Variants in NRXN1 observed in about 807,000 individuals in gnomAD.
The protein encoded by NRXN1 is neurexin 1, also known as neurexin-1.
Under a neutral mutation model 150.9 loss-of-function variants are expected in NRXN1, and 39 were observed. That is an observed-to-expected ratio of 0.26 (90% CI 0.20 to 0.34). The LOEUF (loss-of-function observed/expected upper bound fraction) is 0.34, where lower values mean the gene tolerates loss of function less well. NRXN1 is among the 10% of genes least tolerant of loss of function. NRXN1 has a pLI of 1.00. For synonymous variants in NRXN1, 924 were observed against 757.0 expected (o/e 1.22, Z -3.62); for missense variants, 1,815 against 1,949.9 (o/e 0.93, Z 1.30).
intron 18 of NRXN1, among the ~76,000 whole-genome samples, chr2:50,153,547 C>T (rs1283550143): frequency 6.6e-6 from 1 of 151,588 alleles, no homozygotes; most frequent in Non-Finnish European, 1.5e-5. Flanking sequence ...TGTCTTTGAG[C>T]CAGGGATCAG....
chr2:50,437,737 C>G (rs145039331), intron 17 of NRXN1, among the ~76,000 whole-genome samples: 25 of 151,378 alleles, frequency 1.7e-4, no homozygotes, highest in Middle Eastern at 3.4e-3. Flanking sequence ...TGTGAAAAGA[C>G]AAAAAGGGAA....
intron 5 of NRXN1, among the ~76,000 whole-genome samples, chr2:50,913,938 A>G: frequency 6.6e-6 from 1 of 151,816 alleles, no homozygotes; most frequent in East Asian, 1.9e-4. Flanking sequence ...CACATGTAAC[A>G]GTCCCACATA....
chr2:50,761,297 A>T (rs1701774158), intron 5 of NRXN1, among the ~76,000 whole-genome samples: 1 of 151,842 alleles, frequency 6.6e-6, no homozygotes, highest in Non-Finnish European at 1.5e-5. Context: ...TACCTCCCAT[A>T]ATCCTCATGA....
At chr2:50,093,618 C>A (rs529178642) in intron 18 of NRXN1, among the ~76,000 whole-genome samples, 2 of 151,964 alleles carry the variant, frequency 1.3e-5, no homozygotes, top group African/African-American at 2.4e-5. Flanking sequence ...TGGTTGACAG[C>A]GTAAGACCCT....
In NRXN1 at chr2:50,472,375, A is replaced by G; in HGVS notation, c.3167T>C (p.Val1056Ala). The change falls in exon 16 of 23, where the codon GTT becomes GCT. Residue 1056 changes from valine (V) to alanine (A), a missense_variant. Transcript: ENST00000401669. ...GTCCGGAAGCCGTCCATTTAAATCA[A>G]CTGATGCCAGGCAGCCTTGAAAGCC... Reference protein sequence around the residue: ...KEGFQGCLASVDLNGRLPDLI... With the variant: ...KEGFQGCLASADLNGRLPDLI... The G allele has an allele frequency of 6.2e-7, 1 of 1,612,240 alleles. No individual in the cohort carries two copies. The highest frequency in any genetic ancestry group is 8.5e-7 in the Non-Finnish European group (1 of 1,178,838).
chr2:50,689,845 T>C (rs1055244562), intron 5 of NRXN1, among the ~76,000 whole-genome samples: 2 of 149,264 alleles, frequency 1.3e-5, no homozygotes, highest in African/African-American at 5.0e-5. Context: ...CTTGTTTTTT[T>C]TTGCTTATTT....
chr2:50,679,244 T>C (rs1690002046), intron 5 of NRXN1, among the ~76,000 whole-genome samples: 1 of 152,112 alleles, frequency 6.6e-6, no homozygotes, highest in Non-Finnish European at 1.5e-5. Context: ...GGATAGGTTT[T>C]GAGCATGGGG....
chr2:49,975,002 C>G (rs1452491412), intron 21 of NRXN1, among the ~76,000 whole-genome samples: 4 of 151,700 alleles, frequency 2.6e-5, no homozygotes, highest in South Asian at 2.1e-4. Context: ...CCATATGGAA[C>G]TATATCCCCA....
At chr2:49,992,008 C>T (rs1363028) in intron 21 of NRXN1, among the ~76,000 whole-genome samples, 71,117 of 151,994 alleles carry the variant, frequency 0.47, 17,288 homozygotes, top group Middle Eastern at 0.61. Context: ...TTTCAACAAA[C>T]GGTGCTAGAA....
At chr2:50,736,592 A>T (rs1270397893) in intron 5 of NRXN1, among the ~76,000 whole-genome samples, 1 of 152,158 alleles carries the variant, frequency 6.6e-6, no homozygotes, top group Non-Finnish European at 1.5e-5. Flanking sequence ...TTCTTGTGGT[A>T]GTGAATAAGT....
intron 5 of NRXN1, among the ~76,000 whole-genome samples, chr2:50,698,847 TTCTC>T (rs1311969058): frequency 1.3e-5 from 2 of 152,214 alleles, no homozygotes; most frequent in Non-Finnish European, 2.9e-5. Flanking sequence ...GTCTGTCTGT[TTCTC>T]TCTTTCTCAT....
intron 5 of NRXN1, among the ~76,000 whole-genome samples, chr2:50,644,086 T>A (rs984579107): frequency 1.3e-5 from 2 of 151,688 alleles, no homozygotes; most frequent in African/African-American, 4.8e-5. Context: ...TTTCTTTATG[T>A]AAATCTTACA....
At chr2:50,931,209 T>C (rs1473064459) in intron 2 of NRXN1, among the ~76,000 whole-genome samples, 1 of 152,152 alleles carries the variant, frequency 6.6e-6, no homozygotes, top group Non-Finnish European at 1.5e-5. Context: ...TGTCTACTGG[T>C]ATATAAATTT....
At chr2:50,167,682 T>C (rs1193508024) in intron 18 of NRXN1, among the ~76,000 whole-genome samples, 1 of 152,226 alleles carries the variant, frequency 6.6e-6, no homozygotes, top group Non-Finnish European at 1.5e-5. Flanking sequence ...TCCAAAATAA[T>C]TGTTCTCAAA....
At position 50,836,365 on chromosome 2, in the gene NRXN1, T is replaced by C. The variant is rs145515479; in HGVS notation, c.832+85504A>G. ...CTACCCCCTTAGCAATTTTGAAATA[T>C]ACAGTGCATTATGATTTATTATAGT... On this transcript the variant is annotated intron_variant, in intron 5 of 22. Transcript: ENST00000401669. Among the ~76,000 whole-genome samples the C allele has an allele frequency of 1.1e-4, 16 of 152,264 alleles. No individual in the cohort carries two copies. The East Asian group carries it at 3.1e-3, about 29-fold the overall frequency.
intron 18 of NRXN1, among the ~76,000 whole-genome samples, chr2:50,223,510 C>G (rs1449343997): frequency 6.6e-6 from 1 of 151,898 alleles, no homozygotes; most frequent in African/African-American, 2.4e-5. Context: ...CAAATGAACA[C>G]AGTTCTGGAG....
At chr2:51,010,121 T>A (rs1049314231) in intron 2 of NRXN1, among the ~76,000 whole-genome samples, 2 of 152,120 alleles carry the variant, frequency 1.3e-5, no homozygotes, top group East Asian at 3.9e-4. Flanking sequence ...ATGGGTCTCA[T>A]CTTCTGAAAT....
chr2:50,530,280 G>T (rs962986729), intron 11 of NRXN1, among the ~76,000 whole-genome samples: 1 of 152,112 alleles, frequency 6.6e-6, no homozygotes, highest in African/African-American at 2.4e-5. Flanking sequence ...ACTTTGAAAA[G>T]CCAAGCGTGG....
At chr2:50,861,482 C>T (rs1307027436) in intron 5 of NRXN1, among the ~76,000 whole-genome samples, 2 of 152,048 alleles carry the variant, frequency 1.3e-5, no homozygotes, top group African/African-American at 4.8e-5. Flanking sequence ...GTTGGCAAAT[C>T]CTGAGCTAAA....
Sources: allele counts gnomAD v4.1 joint callset (sites outside exome capture counted in the v4.1 genomes callset), GRCh38; gene constraint gnomAD v4.1.1; transcripts MANE v1.5; gene names NCBI Gene and HGNC (gene_info 2026-07-23, HGNC 2026-07-21).